Variants in RBFOX1 observed in about 807,000 individuals in gnomAD.
The protein encoded by RBFOX1 is RNA binding fox-1 homolog 1.
Under a neutral mutation model 57.7 loss-of-function variants are expected in RBFOX1, and 8 were observed. The observed-to-expected ratio is 0.14, with a 90% confidence interval of 0.08 to 0.25. The LOEUF (loss-of-function observed/expected upper bound fraction) is 0.25. Ranked by LOEUF, RBFOX1 falls within the 10% of genes least tolerant of loss-of-function variation. The probability of loss-of-function intolerance (pLI) is 1.00; values close to 1 mark genes in which losing one functional copy is unlikely to be tolerated. For synonymous variants in RBFOX1, 326 were observed against 222.4 expected (o/e 1.47, Z -4.15); for missense variants, 611 against 548.5 (o/e 1.11, Z -1.14).
rs545636055 is a variant in RBFOX1 at position 5,478,346 on chromosome 16, G to C, written c.258+11092G>C. ...CTGAGCATGGGGATTTGTGCTTCTGGAGGGGGAGTTCCTGGTGTGCTTCCA... is the reference window on the plus strand; with the variant it reads ...CTGAGCATGGGGATTTGTGCTTCTGCAGGGGGAGTTCCTGGTGTGCTTCCA... On this transcript the variant is annotated intron_variant, in intron 2 of 2. Transcript: ENST00000585867. Among the ~76,000 whole-genome samples, 7 of 152,246 alleles carry C rather than the reference G, an allele frequency of 4.6e-5. No individual in the cohort carries two copies. The East Asian group carries it at 1.4e-3, about 29-fold the overall frequency.
At chr16:5,933,638 A>T (rs1213709247) in intron 4 of RBFOX1, among the ~76,000 whole-genome samples, 1 of 152,158 alleles carries the variant, frequency 6.6e-6, no homozygotes, top group Non-Finnish European at 1.5e-5. Context: ...TTCATAATGG[A>T]TAGGGAGTTA....
At chr16:7,679,433 CG>C (rs1214075465) in intron 14 of RBFOX1, among the ~76,000 whole-genome samples, 32 of 152,138 alleles carry the variant, frequency 2.1e-4, no homozygotes, top group African/African-American at 7.2e-4. Context: ...AGAAAAACTT[CG>C]TCCAAAATAG....
intron 2 of RBFOX1, among the ~76,000 whole-genome samples, chr16:6,360,088 G>A (rs767762257): frequency 7.9e-5 from 12 of 151,900 alleles, no homozygotes; most frequent in East Asian, 1.9e-4. Context: ...ATTCAATTTC[G>A]TTCATTTCCA....
chr16:5,487,375 G>C (rs559449119), intron 2 of RBFOX1, among the ~76,000 whole-genome samples: 4 of 152,344 alleles, frequency 2.6e-5, no homozygotes, highest in South Asian at 4.1e-4. Context: ...AAACAGGAGA[G>C]AGGAAGAGGG....
At chr16:6,281,083 C>T (rs1010673673) in intron 1 of RBFOX1, among the ~76,000 whole-genome samples, 1 of 151,916 alleles carries the variant, frequency 6.6e-6, no homozygotes, top group Non-Finnish European at 1.5e-5. Flanking sequence ...TGAGCACCCT[C>T]CTAGACATCT....
chr16:6,622,998 T>C (rs898486261), intron 2 of RBFOX1, among the ~76,000 whole-genome samples: 5 of 152,218 alleles, frequency 3.3e-5, no homozygotes, highest in African/African-American at 1.2e-4. Context: ...TTAGCTATTT[T>C]AATGAACACA....
chr16:7,659,395 C>A (rs1312767130), intron 12 of RBFOX1, among the ~76,000 whole-genome samples: 1 of 152,146 alleles, frequency 6.6e-6, no homozygotes, highest in Non-Finnish European at 1.5e-5. Context: ...ATATCTAAAT[C>A]CGCAACCTGT....
intron 1 of RBFOX1, among the ~76,000 whole-genome samples, chr16:6,286,125 C>G (rs1487855001): frequency 6.6e-6 from 1 of 152,090 alleles, no homozygotes; most frequent in Non-Finnish European, 1.5e-5. Context: ...TGTTTCAAAG[C>G]AACGCTTTGA....
At chr16:6,196,660 T>A (rs577679478) in intron 1 of RBFOX1, among the ~76,000 whole-genome samples, 1 of 152,196 alleles carries the variant, frequency 6.6e-6, no homozygotes, top group Non-Finnish European at 1.5e-5. Context: ...ATTTTCATTT[T>A]TTTCCTGATG....
chr16:7,383,836 C>A (rs1160976869), intron 4 of RBFOX1, among the ~76,000 whole-genome samples: 1 of 152,046 alleles, frequency 6.6e-6, no homozygotes, highest in Non-Finnish European at 1.5e-5. Flanking sequence ...GCGGGCAGAT[C>A]ACAAGGTCAG....
At chr16:7,125,317 T>A (rs34472397) in intron 4 of RBFOX1, among the ~76,000 whole-genome samples, 13 of 152,054 alleles carry the variant, frequency 8.5e-5, no homozygotes, top group Admixed American at 7.9e-4. Context: ...ATCCACATAG[T>A]GGCAAGGGTA....
chr16:6,082,598 C>T (rs999196122), intron 1 of RBFOX1, among the ~76,000 whole-genome samples: 1 of 151,936 alleles, frequency 6.6e-6, no homozygotes, highest in East Asian at 1.9e-4. Context: ...TCTTTATCCC[C>T]TTGACCAGGT....
chr16:6,595,318 C>G (rs1254527485), intron 2 of RBFOX1, among the ~76,000 whole-genome samples: 1 of 152,130 alleles, frequency 6.6e-6, no homozygotes, highest in African/African-American at 2.4e-5. Flanking sequence ...TAATATGTGG[C>G]CTTTCATGTC....
intron 3 of RBFOX1, among the ~76,000 whole-genome samples, chr16:5,620,517 C>T (rs1053208216): frequency 6.6e-6 from 1 of 152,144 alleles, no homozygotes; most frequent in Admixed American, 6.5e-5. Flanking sequence ...GTCAGTGTGT[C>T]AGCGGGGTTG....
intron 2 of RBFOX1, among the ~76,000 whole-genome samples, chr16:6,443,829 T>C (rs1489244358): frequency 6.6e-6 from 1 of 152,032 alleles, no homozygotes; most frequent in Non-Finnish European, 1.5e-5. Flanking sequence ...CATCTAGCTA[T>C]CCATTCATCC....
intron 14 of RBFOX1, among the ~76,000 whole-genome samples, chr16:7,682,435 C>T (rs2075000611): frequency 6.6e-6 from 1 of 151,982 alleles, no homozygotes; most frequent in African/African-American, 2.4e-5. Context: ...CAGAGAGAAG[C>T]CACTTGCAAG....
At chr16:6,880,222 G>C (rs560422418) in intron 3 of RBFOX1, among the ~76,000 whole-genome samples, 2 of 85,278 alleles carry the variant, frequency 2.3e-5, no homozygotes, top group South Asian at 6.5e-4. Context: ...ATTTTCCACC[G>C]GGGGGTAGCA....
At chr16:6,281,616 C>T (rs529237573) in intron 1 of RBFOX1, among the ~76,000 whole-genome samples, 3 of 151,960 alleles carry the variant, frequency 2.0e-5, no homozygotes, top group South Asian at 2.1e-4. Flanking sequence ...GGGAGAACAC[C>T]GAGTAAAAAA....
At chr16:7,693,435 C>G (rs199934897) in intron 14 of RBFOX1, 3 of 580,082 alleles carry the variant, frequency 5.2e-6, no homozygotes, top group African/African-American at 3.8e-5. Flanking sequence ...TTTTTTTTTT[C>G]TTCTTCACAT....
Sources: gnomAD v4.1 joint callset for allele counts (sites outside exome capture counted in the v4.1 genomes callset) on GRCh38, gnomAD v4.1.1 for gene constraint, MANE v1.5 for transcripts, NCBI Gene and HGNC (gene_info 2026-07-23, HGNC 2026-07-21) for gene names.